The following ADAM12 variants were observed in gnomAD, a reference collection of about 807,000 sequenced individuals.
ADAM12 encodes ADAM metallopeptidase domain 12.
ADAM12 carries 70 observed loss-of-function variants against 106.4 expected under a neutral mutation model. The ratio of observed to expected loss-of-function variants is 0.66; its 90% confidence interval spans 0.54 to 0.80. The LOEUF (loss-of-function observed/expected upper bound fraction) is 0.80, where lower values mean the gene tolerates loss of function less well. Ranked by LOEUF, ADAM12 falls within the 30% of genes least tolerant of loss-of-function variation. ADAM12 has a pLI of 0.00. For synonymous variants in ADAM12, 420 were observed against 433.5 expected, an observed-to-expected ratio of 0.97 and a Z score of 0.39; for missense variants, 1,010 against 1,171.9, an observed-to-expected ratio of 0.86 and a Z score of 2.02.
chr10:126,345,063 G>C (rs1176584572), intron 1 of ADAM12, among the ~76,000 whole-genome samples: 1 of 152,158 alleles, frequency 6.6e-6, no homozygotes, highest in Non-Finnish European at 1.5e-5. Context: ...ACACTATGTT[G>C]AATAGGAGTG....
rs143168569 is a variant in ADAM12, at chr10:126,063,434, G to A, written c.1609+1372C>T. ...ATTCCATTGAAAACCCAGGCTTCGAGGTTTAGTCATCAATTTCTGTTCCAC... is the reference window on the plus strand; with the variant it reads ...ATTCCATTGAAAACCCAGGCTTCGAAGTTTAGTCATCAATTTCTGTTCCAC... On this transcript the variant is annotated intron_variant, in intron 14 of 22. Transcript: ENST00000448723. Among the ~76,000 whole-genome samples, 689 of 152,302 alleles carry A rather than the reference G, an allele frequency of 4.5e-3. 7 individuals are homozygous for A. Among genetic ancestry groups the A allele is most frequent in the African/African-American group, 0.015 (633 of 41,560 alleles).
chr10:126,297,239 T>A (rs1021870412), intron 2 of ADAM12, among the ~76,000 whole-genome samples: 1 of 152,156 alleles, frequency 6.6e-6, no homozygotes, highest in Non-Finnish European at 1.5e-5. Flanking sequence ...ACCTCTTCTA[T>A]GTCCAACTCA....
chr10:126,236,005 C>T (rs922335690), intron 3 of ADAM12, among the ~76,000 whole-genome samples: 19 of 152,120 alleles, frequency 1.2e-4, no homozygotes, highest in African/African-American at 4.6e-4. Context: ...GACAGGGAGA[C>T]AGAGCTGGGC....
At chr10:126,236,980 T>C (rs1958430222) in intron 3 of ADAM12, among the ~76,000 whole-genome samples, 1 of 152,138 alleles carries the variant, frequency 6.6e-6, no homozygotes, top group Admixed American at 6.5e-5. Context: ...CCTCCTGCTT[T>C]TTATTATCAC....
intron 1 of ADAM12, among the ~76,000 whole-genome samples, chr10:126,360,982 G>C (rs919426507): frequency 6.6e-6 from 1 of 152,186 alleles, no homozygotes; most frequent in Non-Finnish European, 1.5e-5. Context: ...ACAGATGGCA[G>C]CAAGCAAAGA....
At chr10:126,106,652 G>A (rs112199703) in intron 8 of ADAM12, among the ~76,000 whole-genome samples, 15,025 of 151,682 alleles carry the variant, frequency 0.099, 2,002 homozygotes, top group African/African-American at 0.3. Flanking sequence ...CGCCCAGCTA[G>A]TTTTTGTATT....
At chr10:126,327,154 T>C (rs1398966263) in intron 2 of ADAM12, among the ~76,000 whole-genome samples, 1 of 152,180 alleles carries the variant, frequency 6.6e-6, no homozygotes, top group Non-Finnish European at 1.5e-5. Flanking sequence ...GGCGTGGGGC[T>C]GTGGTTAGTG....
chr10:126,022,905 T>G (rs1017559952), intron 21 of ADAM12, among the ~76,000 whole-genome samples: 8 of 152,258 alleles, frequency 5.3e-5, no homozygotes, highest in South Asian at 2.1e-4. Context: ...ATTCTGCTCA[T>G]GTTCTGGCAA....
At chr10:126,294,444 T>C (rs1960282572) in intron 2 of ADAM12, among the ~76,000 whole-genome samples, 1 of 152,064 alleles carries the variant, frequency 6.6e-6, no homozygotes, top group Non-Finnish European at 1.5e-5. Flanking sequence ...GGAGTGAAAA[T>C]GTCACAGCAT....
chr10:126,064,981 C>A lies in ADAM12; in HGVS notation c.1434G>T (p.Ala478=). ...EDCQLKPAGT[A]CRDSSNSCDL... ...CACAGGAGTTGCTGGAGTCCCTGCA[C>A]GCTGTTCCTGCAGGCTTCAGCTGGA... The change falls in exon 14 of 23, where the codon GCG becomes GCT. Residue 478 remains alanine, a synonymous_variant. Coordinates refer to ENST00000448723, the MANE Select transcript of ADAM12 (RefSeq NM_001288973.2). This position sits in a 1 kb window ranked among gnomAD's most constrained non-coding sequence, Gnocchi z 4.4. 2 of 1,611,672 alleles carry A rather than the reference C, an allele frequency of 1.2e-6. No individual in the cohort carries two copies. The highest frequency in any genetic ancestry group is 2.2e-5 in the South Asian group (2 of 90,252).
At chr10:126,088,356 G>A (rs1955396604) in intron 11 of ADAM12, among the ~76,000 whole-genome samples, 1 of 152,030 alleles carries the variant, frequency 6.6e-6, no homozygotes, top group South Asian at 2.1e-4. Context: ...ATTTCCTGTA[G>A]CAAGCTTGTC....
chr10:126,385,366 C>T (rs2133942171), intron 1 of ADAM12, among the ~76,000 whole-genome samples: 1 of 152,260 alleles, frequency 6.6e-6, no homozygotes, highest in South Asian at 2.1e-4. Flanking sequence ...ACTAAAAGTC[C>T]CAACTCTAAT....
At chr10:126,106,161 A>C (rs944969129) in intron 8 of ADAM12, among the ~76,000 whole-genome samples, 2 of 152,036 alleles carry the variant, frequency 1.3e-5, no homozygotes, top group African/African-American at 4.8e-5. Context: ...CTTGGTCATC[A>C]TGAGGTCCCG....
chr10:126,261,143 T>C (rs1565175118), intron 3 of ADAM12, among the ~76,000 whole-genome samples: 1 of 152,188 alleles, frequency 6.6e-6, no homozygotes, highest in Non-Finnish European at 1.5e-5. Flanking sequence ...CATTTTATAT[T>C]AGGGACATGA....
At chr10:126,157,206 G>A (rs10901541) in intron 3 of ADAM12, among the ~76,000 whole-genome samples, 50,959 of 152,132 alleles carry the variant, frequency 0.33, 10,465 homozygotes, top group Non-Finnish European at 0.47. Context: ...CCTTACTTCA[G>A]GAGAAAGCTA....
At chr10:126,311,094 T>TACAC (rs67514376) in intron 2 of ADAM12, among the ~76,000 whole-genome samples, 28,054 of 138,316 alleles carry the variant, frequency 0.2, 3,257 homozygotes, top group Non-Finnish European at 0.27. Flanking sequence ...TACACACAAA[T>TACAC]ACACACACAC....
chr10:126,127,635 G>A (rs891843791), intron 5 of ADAM12, among the ~76,000 whole-genome samples: 1 of 152,232 alleles, frequency 6.6e-6, no homozygotes, highest in Admixed American at 6.5e-5. Context: ...ATGAGGTATG[G>A]CAGTTACCAA....
chr10:126,277,030 C>G (rs1372204625), intron 3 of ADAM12, among the ~76,000 whole-genome samples: 2 of 151,928 alleles, frequency 1.3e-5, no homozygotes, highest in Admixed American at 1.3e-4. Context: ...CATTATGAAG[C>G]TAAATGAAGT....
At chr10:126,072,857 A>C (rs1375818882) in intron 11 of ADAM12, among the ~76,000 whole-genome samples, 1 of 152,168 alleles carries the variant, frequency 6.6e-6, no homozygotes, top group African/African-American at 2.4e-5. Context: ...AGACATTTAT[A>C]AGGATGACAT....
Sources: allele counts gnomAD v4.1 joint callset (sites outside exome capture counted in the v4.1 genomes callset), GRCh38; gene constraint gnomAD v4.1.1; non-coding constraint Gnocchi (gnomAD v3.1); transcripts MANE v1.5; gene names NCBI Gene and HGNC (gene_info 2026-07-23, HGNC 2026-07-21).